The following ARFGAP2 variants were observed in gnomAD, a reference collection of about 807,000 sequenced individuals.
ARFGAP2 encodes ARF GTPase activating protein 2.
A neutral mutation model predicts 71.9 loss-of-function variants in ARFGAP2; 45 were observed. That is an observed-to-expected ratio of 0.63 (90% confidence interval 0.49 to 0.80). The LOEUF is 0.80. Among genes scored for constraint, ARFGAP2 ranks in the 30% least tolerant of loss-of-function variants. The pLI is 0.00. For missense variants in ARFGAP2, 633 were observed against 673.9 expected (o/e 0.94, Z 0.67); for synonymous variants, 248 against 249.2 (o/e 1.00, Z 0.05).
intron 10 of ARFGAP2, among the ~76,000 whole-genome samples, chr11:47,170,476 T>C (rs892359327): frequency 6.6e-6 from 1 of 151,898 alleles, no homozygotes; most frequent in East Asian, 1.9e-4. Flanking sequence ...TGAAACCCCA[T>C]CTCTACTAAA....
rs377653037 is a variant in ARFGAP2 at position 47,165,520 on chromosome 11, GAAAA to G, written c.1546-22_1546-19del. 188 of 1,403,078 alleles carry G rather than the reference GAAAA, an allele frequency of 1.3e-4. No individual in the cohort carries two copies. Among genetic ancestry groups the G allele is most frequent in the South Asian group, 5.6e-4 (39 of 69,058 alleles). The allele number at this position is 1,403,078 out of a possible 1,614,324, so 86.9% of individuals were successfully genotyped here. A position where few individuals can be genotyped will look rare whatever the true frequency, so the allele number is the denominator to read the frequency against. ...TAGCGATCCTGGGGGCGAGGGGGGA[GAAAA>G]AAAAAAAAAAAGTCAGAGGCTCTAA... On this transcript the variant is annotated intron_variant, in intron 15 of 15. Coordinates refer to ENST00000524782, the MANE Select transcript of ARFGAP2 (RefSeq NM_032389.6).
In ARFGAP2 at chr11:47,172,618, C is replaced by T. The variant is rs576123323; in HGVS notation, c.620-285G>A. Reference sequence around the variant, plus strand: ...ATTCCCTGAACCAAAACAAAGACTGCGAGGCAGGGAGCATATGGTGAGCAC... The same window carrying T: ...ATTCCCTGAACCAAAACAAAGACTGTGAGGCAGGGAGCATATGGTGAGCAC... On this transcript the variant is annotated intron_variant, in intron 7 of 15. Transcript: ENST00000524782. 30 of 1,311,216 alleles carry T rather than the reference C, an allele frequency of 2.3e-5. No homozygotes were observed. In the East Asian group the frequency reaches 6.4e-4, roughly 28 times the overall value. The allele number at this position is 1,311,216 out of a possible 1,614,324, so 81.2% of individuals were successfully genotyped here. A position where few individuals can be genotyped will look rare whatever the true frequency, so the allele number is the denominator to read the frequency against.
chr11:47,176,358 A>G (rs1590965105), intron 2 of ARFGAP2, 158 bp downstream of exon 2: 2 of 710,054 alleles, frequency 2.8e-6, no homozygotes, highest in Non-Finnish European at 2.4e-6. Context: ...AAGGGCCCAC[A>G]CAGGTGGTTC....
chr11:47,168,021 A>C lies in ARFGAP2; in HGVS notation c.1093T>G (p.Leu365Val). The C allele has an allele frequency of 1.2e-6, 2 of 1,614,198 alleles. No individual in the cohort carries two copies. Among genetic ancestry groups the C allele is most frequent in the Middle Eastern group, 1.6e-4 (1 of 6,062 alleles). ...PPKYKDNPFS[L>V]GESFGSRWDT... is the part of the protein sequence containing the mutation. Reference sequence around the variant, plus strand: ...CAGCGGGAGCCAAAGCTTTCCCCTAAGGAAAAGGGATTGTCCTTGTACCTA... The same window carrying C: ...CAGCGGGAGCCAAAGCTTTCCCCTACGGAAAAGGGATTGTCCTTGTACCTA... Residue 365 changes from leucine to valine, a missense_variant, in exon 12 of 16, where the codon TTA (leucine) becomes GTA (valine). Transcript: ENST00000524782.
chr11:47,172,924 ACAGAACAAACCGAGGTCAG>A lies in ARFGAP2; in HGVS notation c.619+483_619+501del, dbSNP rs1307869251. On this transcript the variant is annotated intron_variant, in intron 7 of 15. Transcript: ENST00000524782. ...TTCCAGCCCCAACCCCCAAGAGTCA[ACAGAACAAACCGAGGTCAG>A]CAAATGGACTGTTCGCCCTGAACCA... Among the ~76,000 whole-genome samples the A allele has an allele frequency of 5.3e-5, 8 of 152,348 alleles. No individual in the cohort carries two copies. In the South Asian group the frequency reaches 1.5e-3, roughly 28 times the overall value.
chr11:47,168,322 C>G, intron 10 of ARFGAP2, 71 bp from the exon 11 acceptor site: 1 of 1,596,136 alleles, frequency 6.3e-7, no homozygotes, highest in Non-Finnish European at 8.5e-7. Context: ...AGAGACAATG[C>G]CCAGCAACTG....
chr11:47,171,431 G>A lies in ARFGAP2; in HGVS notation c.936C>T (p.Ser312=), dbSNP rs1426174282. ...CACCCGGAGCTGAGCCTCACCTTCGGGATACCAAGCCCATGCCCAACCTTT... is the reference window on the plus strand; with the variant it reads ...CACCCGGAGCTGAGCCTCACCTTCGAGATACCAAGCCCATGCCCAACCTTT... ...QAERLGMGLV[S]RSSVSHSVLS... is the part of the protein sequence containing the mutation. Residue 312 remains serine (S), a synonymous_variant, in exon 10 of 16, where the codon TCC becomes TCT. Coordinates refer to ENST00000524782, the MANE Select transcript of ARFGAP2 (RefSeq NM_032389.6). 6.2e-7 allele frequency: 1 copy of A among 1,614,166 alleles called. No individual in the cohort carries two copies. Among genetic ancestry groups the A allele is most frequent in the East Asian group, 2.2e-5 (1 of 44,886 alleles).
chr11:47,173,880 C>T, intron 5 of ARFGAP2, 40 bp from the exon 6 acceptor site: 2 of 1,563,032 alleles, frequency 1.3e-6, no homozygotes, highest in Non-Finnish European at 1.7e-6. Flanking sequence ...CGGTGAGCCA[C>T]TCCTGCTGGC....
rs111707337 is a variant in ARFGAP2, at chr11:47,168,770, G to A, written c.942-519C>T. ...ACTCCTGAGTACAGACAATCCACCCGCCTTGGCCTCCAAAAGTGCCAGGAT... is the reference window on the plus strand; with the variant it reads ...ACTCCTGAGTACAGACAATCCACCCACCTTGGCCTCCAAAAGTGCCAGGAT... On this transcript the variant is annotated intron_variant, in intron 10 of 15. Transcript: ENST00000524782. Among the ~76,000 whole-genome samples the A allele has an allele frequency of 8.4e-3, 1,278 of 152,080 alleles. 29 individuals carry two copies. Among genetic ancestry groups the A allele is most frequent in the Non-Finnish European group, 7.1e-3 (480 of 67,994 alleles).
intron 12 of ARFGAP2, 52 bp from the exon 13 acceptor site, chr11:47,166,938 G>C (rs762998196): frequency 3.3e-5 from 52 of 1,588,120 alleles, no homozygotes; most frequent in Non-Finnish European, 4.1e-5. Flanking sequence ...CATCAGGGGA[G>C]GCAGAGTACA....
At chr11:47,165,547 T>TA (rs1281255894) in intron 15 of ARFGAP2, 45 bp from the exon 16 acceptor site, 19 of 1,522,508 alleles carry the variant, frequency 1.2e-5, no homozygotes, top group African/African-American at 2.9e-5. Flanking sequence ...TCAGAGGCTC[T>TA]AAGCTGCAGC....
Position 47,167,925 on chromosome 11 carries a change from G to C in ARFGAP2, c.1189C>G (p.Arg397Gly). 6.2e-7 allele frequency: 1 copy of C among 1,611,176 alleles called. No individual in the cohort carries two copies. The highest frequency in any genetic ancestry group is 8.5e-7 in the Non-Finnish European group (1 of 1,178,828). Residue 397 changes from arginine to glycine, a missense_variant, in exon 12 of 16, where the codon CGG becomes GGG. Physicochemically the swap from Arg to Gly is moderately radical, Grantham distance 125. Transcript: ENST00000524782. ...KEPEVTISSI[R>G]PISERATNRR... ...CCACTCTACCTTTCTGAAATAGGCCGGATGCTTGAGATGGTCACTTCTGGC... is the reference window on the plus strand; with the variant it reads ...CCACTCTACCTTTCTGAAATAGGCCCGATGCTTGAGATGGTCACTTCTGGC...
intron 15 of ARFGAP2, among the ~76,000 whole-genome samples, chr11:47,165,984 G>A (rs1257730489): frequency 6.6e-6 from 1 of 152,112 alleles, no homozygotes; most frequent in Non-Finnish European, 1.5e-5. Context: ...TCCTGCCTCA[G>A]CATCCCGAGT....
Position 47,175,186 on chromosome 11 carries a change from G to A in ARFGAP2, c.392C>T (p.Thr131Ile). ...GCCCCAAGAACAGGCACTTACATCA[G>A]TGCCATGCCTAGCCAGGGCCGCACT... ...LGSAALARHG[T>I]DLWIDNMSSA... is the part of the protein sequence containing the mutation. Residue 131 changes from threonine to isoleucine, a missense_variant, in exon 4 of 16, where the codon ACT becomes ATT. Thr to Ile is a moderately conservative substitution (Grantham distance 89, BLOSUM62 -1). Coordinates refer to ENST00000524782, the MANE Select transcript of ARFGAP2 (RefSeq NM_032389.6). 1 of 1,614,172 alleles carries A rather than the reference G, an allele frequency of 6.2e-7. No individual in the cohort carries two copies. The highest frequency in any genetic ancestry group is 8.5e-7 in the Non-Finnish European group (1 of 1,180,024).
intron 2 of ARFGAP2, 105 bp downstream of exon 2, chr11:47,176,411 C>T (rs1590965284): frequency 6.2e-6 from 7 of 1,130,708 alleles, no homozygotes; most frequent in Non-Finnish European, 1.3e-6. Context: ...CCAGAGGCTT[C>T]CCACCGAATT....
At chr11:47,171,832 A>T in intron 8 of ARFGAP2, 32 bp from the exon 9 acceptor site, 1 of 1,610,442 alleles carries the variant, frequency 6.2e-7, no homozygotes, top group South Asian at 1.1e-5. Flanking sequence ...GGGCCTTCCC[A>T]ATCACACTCT....
intron 5 of ARFGAP2, 149 bp from the exon 6 acceptor site, chr11:47,173,989 T>A (rs903416457): frequency 6.9e-6 from 10 of 1,445,666 alleles, no homozygotes; most frequent in Non-Finnish European, 9.3e-6. Flanking sequence ...TCACAGTTGC[T>A]ATTCACTGTG....
chr11:47,170,039 C>T (rs1590951312), intron 10 of ARFGAP2, among the ~76,000 whole-genome samples: 2 of 151,990 alleles, frequency 1.3e-5, no homozygotes, highest in East Asian at 3.9e-4. Flanking sequence ...GCCCGTAATC[C>T]AAGCACTGGG....
chr11:47,166,355 T>G lies in ARFGAP2; in HGVS notation c.1458A>C (p.Thr486=), dbSNP rs781621142. The change falls in exon 15 of 16, where the codon ACA becomes ACC. Residue 486 remains threonine, a synonymous_variant. Transcript: ENST00000524782. ...CCTGCTTAAACTGGGCAATGTCCGC[T>G]GTAGGCAGCACGTTCCCCAGAGATA... ...GSVSLGNVLP[T]ADIAQFKQGV... The G allele has an allele frequency of 6.2e-7, 1 of 1,614,218 alleles. No homozygotes were observed. Among genetic ancestry groups the G allele is most frequent in the Non-Finnish European group, 8.5e-7 (1 of 1,180,044 alleles).
Sources: gnomAD v4.1 joint callset for allele counts (sites outside exome capture counted in the v4.1 genomes callset) on GRCh38, gnomAD v4.1.1 for gene constraint, MANE v1.5 for transcripts, NCBI Gene and HGNC (gene_info 2026-07-23, HGNC 2026-07-21) for gene names.